The following TBC1D22A variants were observed in gnomAD, a reference collection of about 807,000 sequenced individuals.
The protein encoded by TBC1D22A is TBC1 domain family member 22A, also known as putative GTPase activator.
In TBC1D22A, 38 loss-of-function variants were observed where a neutral mutation model predicts 60.2. The ratio of observed to expected loss-of-function variants is 0.63; its 90% CI spans 0.49 to 0.83. The LOEUF (loss-of-function observed/expected upper bound fraction) is 0.83, where lower values mean the gene tolerates loss of function less well. TBC1D22A is among the 40% of genes least tolerant of loss of function. The probability of loss-of-function intolerance (pLI) is 0.00; values close to 1 mark genes in which losing one functional copy is unlikely to be tolerated. For missense variants in TBC1D22A, 628 were observed against 701.0 expected (o/e 0.90, Z 1.18); for synonymous variants, 302 against 281.7 (o/e 1.07, Z -0.72).
chr22:47,124,718 G>T (rs2066392332), intron 12 of TBC1D22A, among the ~76,000 whole-genome samples: 1 of 152,186 alleles, frequency 6.6e-6, no homozygotes, highest in African/African-American at 2.4e-5. Flanking sequence ...ACAGACGGGG[G>T]GCTTCTATCC....
rs16995938 is a variant in TBC1D22A at position 46,907,693 on chromosome 22, C to T, written c.901-4381C>T. 4.3e-3 allele frequency among the ~76,000 whole-genome samples: 659 copies of T among 152,328 alleles called. 3 individuals carry two copies. The highest frequency in any genetic ancestry group is 0.015 in the African/African-American group (625 of 41,574). Reference sequence around the variant, plus strand: ...CTTCCCAGTCCTCCTCTGTGCCGGCCGTGCAGGACTGAGGGCACTGCTGTA... The same window carrying T: ...CTTCCCAGTCCTCCTCTGTGCCGGCTGTGCAGGACTGAGGGCACTGCTGTA... On this transcript the variant is annotated intron_variant, in intron 7 of 12. Transcript: ENST00000337137.
intron 11 of TBC1D22A, among the ~76,000 whole-genome samples, chr22:47,084,677 T>C (rs1876695749): frequency 6.6e-6 from 1 of 152,174 alleles, no homozygotes; most frequent in Admixed American, 6.5e-5. Context: ...AAATGAAAAT[T>C]AATAATAGTC....
intron 11 of TBC1D22A, among the ~76,000 whole-genome samples, chr22:47,084,465 T>C (rs1384230279): frequency 6.6e-6 from 1 of 152,138 alleles, no homozygotes; most frequent in Non-Finnish European, 1.5e-5. Flanking sequence ...GGGTCAGAGA[T>C]GCAGGAGGCG....
chr22:47,041,277 C>G (rs571854164), intron 11 of TBC1D22A, among the ~76,000 whole-genome samples: 1 of 152,218 alleles, frequency 6.6e-6, no homozygotes, highest in Non-Finnish European at 1.5e-5. Context: ...GCGCTCCTCA[C>G]GCAGGGCTGG....
intron 11 of TBC1D22A, among the ~76,000 whole-genome samples, chr22:47,088,030 G>A (rs956667470): frequency 7.2e-5 from 11 of 151,838 alleles, no homozygotes; most frequent in Non-Finnish European, 1.2e-4. Flanking sequence ...CCAAGATTGC[G>A]CCACTGCACT....
At chr22:47,166,836 G>C (rs1316460972) in intron 12 of TBC1D22A, among the ~76,000 whole-genome samples, 1 of 152,212 alleles carries the variant, frequency 6.6e-6, no homozygotes, top group Admixed American at 6.5e-5. Flanking sequence ...GAGAGAGGCC[G>C]GGGTACAGGT....
chr22:46,936,385 G>T (rs980805309), intron 8 of TBC1D22A, among the ~76,000 whole-genome samples: 1 of 152,092 alleles, frequency 6.6e-6, no homozygotes, highest in East Asian at 1.9e-4. Context: ...GTGGCTCCCC[G>T]CACAGCCTCC....
intron 8 of TBC1D22A, among the ~76,000 whole-genome samples, chr22:46,925,259 C>T (rs368124257): frequency 6.6e-5 from 10 of 152,272 alleles, no homozygotes; most frequent in Non-Finnish European, 8.8e-5. Flanking sequence ...CAGTTAATCT[C>T]GGAAACATTG....
At chr22:47,082,612 C>A (rs73170433) in intron 11 of TBC1D22A, among the ~76,000 whole-genome samples, 2 of 152,204 alleles carry the variant, frequency 1.3e-5, no homozygotes, top group Non-Finnish European at 2.9e-5. Flanking sequence ...TGATGGCCAA[C>A]AAACACTTGA....
intron 1 of TBC1D22A, among the ~76,000 whole-genome samples, chr22:46,791,661 G>A (rs1324412263): frequency 6.6e-6 from 1 of 152,164 alleles, no homozygotes; most frequent in Non-Finnish European, 1.5e-5. Flanking sequence ...CTGGGTAGAG[G>A]TTGATGAGTC....
intron 12 of TBC1D22A, among the ~76,000 whole-genome samples, chr22:47,134,195 A>T (rs993417664): frequency 1.3e-5 from 2 of 152,212 alleles, no homozygotes; most frequent in Non-Finnish European, 2.9e-5. Context: ...AGCCCTTATT[A>T]TCCCATTGGT....
At chr22:47,138,361 G>A (rs964886561) in intron 12 of TBC1D22A, among the ~76,000 whole-genome samples, 6 of 151,548 alleles carry the variant, frequency 4.0e-5, no homozygotes, top group East Asian at 1.9e-4. Flanking sequence ...GGCTGGGGAG[G>A]AGCGAGCAGT....
rs1015049397 is a variant in TBC1D22A, at chr22:47,028,878, T to C, written c.1202-8193T>C. ...GGACACCACCGCACGATCCTGACAC[T>C]AACATCCCAGAGTTGGTGTCAGACT... On this transcript the variant is annotated intron_variant, in intron 10 of 12. Coordinates refer to ENST00000337137, the MANE Select transcript of TBC1D22A (RefSeq NM_014346.5). This position sits in a 1 kb window ranked among gnomAD's most constrained non-coding sequence, Gnocchi z 4.4. 2.0e-5 allele frequency among the ~76,000 whole-genome samples: 3 copies of C among 152,124 alleles called. No individual in the cohort carries two copies. Among genetic ancestry groups the C allele is most frequent in the Non-Finnish European group, 2.9e-5 (2 of 68,032 alleles).
intron 9 of TBC1D22A, among the ~76,000 whole-genome samples, chr22:46,981,766 G>A (rs894752217): frequency 6.6e-6 from 1 of 152,144 alleles, no homozygotes; most frequent in Non-Finnish European, 1.5e-5. Context: ...GCCCAGTCTC[G>A]GGCAGTTCTT....
chr22:47,171,624 C>G (rs1365726674), intron 12 of TBC1D22A, among the ~76,000 whole-genome samples: 2 of 152,222 alleles, frequency 1.3e-5, no homozygotes, highest in Non-Finnish European at 2.9e-5. Flanking sequence ...CCTCTCTGAT[C>G]CCTACTTCTG....
rs1002375070 is a variant in TBC1D22A at position 47,015,535 on chromosome 22, A to G, written c.1201+17826A>G. ...TTGATCTTGCTCTAGCTGTTCTCCC[A>G]TCATAGCTCTGTGAGCACAGAGAGC... is the stretch of plus-strand genomic sequence containing the variant. On this transcript the variant is annotated intron_variant, in intron 10 of 12. Transcript: ENST00000337137. 7.2e-5 allele frequency among the ~76,000 whole-genome samples: 11 copies of G among 152,352 alleles called. 1 individual carries two copies. In the South Asian group the frequency reaches 2.1e-3, roughly 29 times the overall value.
At chr22:47,144,367 C>G (rs920473375) in intron 12 of TBC1D22A, among the ~76,000 whole-genome samples, 4 of 152,184 alleles carry the variant, frequency 2.6e-5, no homozygotes, top group African/African-American at 9.6e-5. Context: ...GGGCCCTTTT[C>G]TGGCACAGGC....
chr22:46,969,445 TTTTAC>T (rs1233847257), intron 8 of TBC1D22A, among the ~76,000 whole-genome samples: 1 of 152,230 alleles, frequency 6.6e-6, no homozygotes, highest in Non-Finnish European at 1.5e-5. Context: ...GGGGGGCTTA[TTTTAC>T]AAATTGGTTG....
chr22:46,771,240 C>T (rs893399271), intron 1 of TBC1D22A, among the ~76,000 whole-genome samples: 1 of 152,136 alleles, frequency 6.6e-6, no homozygotes, highest in Non-Finnish European at 1.5e-5. Context: ...TACCCCATCG[C>T]CTCCAAGTGT....
Sources: gnomAD v4.1 joint callset for allele counts (sites outside exome capture counted in the v4.1 genomes callset) on GRCh38, gnomAD v4.1.1 for gene constraint, Gnocchi (gnomAD v3.1) non-coding constraint, MANE v1.5 for transcripts, NCBI Gene and HGNC (gene_info 2026-07-23, HGNC 2026-07-21) for gene names.